PCGF5: variants seen among roughly 807,000 people sequenced by gnomAD.
The protein encoded by PCGF5 is polycomb group ring finger 5, also known as polycomb group RING finger protein 5.
PCGF5 carries 9 observed loss-of-function variants against 44.3 expected under a neutral mutation model. The ratio of observed to expected loss-of-function variants is 0.20; its 90% CI spans 0.12 to 0.35. The LOEUF (loss-of-function observed/expected upper bound fraction) is 0.35, where lower values mean the gene tolerates loss of function less well. PCGF5 is among the 10% of genes least tolerant of loss of function. PCGF5 has a pLI of 1.00. For synonymous variants in PCGF5, 95 were observed against 102.5 expected, an observed-to-expected ratio of 0.93 and a Z score of 0.44; for missense variants, 146 against 305.3, an observed-to-expected ratio of 0.48 and a Z score of 3.89.
intron 2 of PCGF5, among the ~76,000 whole-genome samples, chr10:91,223,813 T>C (rs1844744259): frequency 6.6e-6 from 1 of 152,130 alleles, no homozygotes; most frequent in Admixed American, 6.5e-5. Flanking sequence ...AGAGAGAAGG[T>C]ATAGAGATTT....
At chr10:91,208,949 G>A (rs111829921) in intron 1 of PCGF5, among the ~76,000 whole-genome samples, 8 of 152,296 alleles carry the variant, frequency 5.3e-5, no homozygotes, top group African/African-American at 1.9e-4. Context: ...TTGCTCTACA[G>A]GAGTGTGAGC....
chr10:91,261,359 C>T lies in PCGF5; in HGVS notation c.508C>T (p.Arg170Cys). 3 of 1,506,652 alleles carry T rather than the reference C, an allele frequency of 2.0e-6. No individual in the cohort carries two copies. The highest frequency in any genetic ancestry group is 1.4e-5 in the African/African-American group (1 of 73,054). The allele number at this position is 1,506,652 out of a possible 1,614,324, so 93.3% of individuals were successfully genotyped here. The change falls in exon 7 of 10, where the codon CGT becomes TGT. Residue 170 changes from arginine to cysteine, a missense_variant. Arg to Cys is a radical substitution (Grantham distance 180, BLOSUM62 -3). Coordinates refer to ENST00000336126, the MANE Select transcript of PCGF5 (RefSeq NM_032373.5). ...LMKKFIRCST[R>C]VTVGTIKKFL... ...GAAGAAATTCATTCGATGTTCTACA[C>T]GTGTAACTGTGGGAACTATTAAAAA...
chr10:91,185,208 T>C (rs1564627814), intron 1 of PCGF5, among the ~76,000 whole-genome samples: 1 of 151,918 alleles, frequency 6.6e-6, no homozygotes, highest in Non-Finnish European at 1.5e-5. Flanking sequence ...AAAACACCAG[T>C]GGGGTGGCTG....
chr10:91,214,817 A>C (rs1564635475), intron 1 of PCGF5, among the ~76,000 whole-genome samples: 1 of 152,254 alleles, frequency 6.6e-6, no homozygotes, highest in Non-Finnish European at 1.5e-5. Flanking sequence ...AAGGTTGATT[A>C]AACTAAATTG....
chr10:91,264,312 A>C, intron 7 of PCGF5, 119 bp from the exon 8 acceptor site: 1 of 764,818 alleles, frequency 1.3e-6, no homozygotes, highest in East Asian at 2.7e-5. Flanking sequence ...CTCCTATTTA[A>C]AATAATGGAT....
chr10:91,207,559 G>T (rs757014121), intron 1 of PCGF5, among the ~76,000 whole-genome samples: 1 of 152,102 alleles, frequency 6.6e-6, no homozygotes, highest in Non-Finnish European at 1.5e-5. Flanking sequence ...AGGAAATATG[G>T]CATTGTTATA....
At chr10:91,188,503 G>A (rs1843968302) in intron 1 of PCGF5, among the ~76,000 whole-genome samples, 1 of 152,108 alleles carries the variant, frequency 6.6e-6, no homozygotes, top group Admixed American at 6.5e-5. Context: ...AAAACCAGTG[G>A]ATTAAAATTA....
At chr10:91,186,382 A>G (rs1289236423) in intron 1 of PCGF5, among the ~76,000 whole-genome samples, 1 of 152,178 alleles carries the variant, frequency 6.6e-6, no homozygotes, top group Non-Finnish European at 1.5e-5. Flanking sequence ...GCAAGAGATG[A>G]AGGAATATAA....
At position 91,196,470 on chromosome 10, in the gene PCGF5, C is replaced by T. The variant is rs186816288; in HGVS notation, c.-183-26219C>T. Among the ~76,000 whole-genome samples the T allele has an allele frequency of 2.6e-3, 391 of 152,332 alleles. 2 individuals carry two copies. The highest frequency in any genetic ancestry group is 8.5e-3 in the African/African-American group (355 of 41,564). The stretch of plus-strand genomic sequence containing the variant: ...GTCCCTTCTCACCCCAGGGCTTTTG[C>T]ACTTGCTAAGCCTTCTTGTTCCTTT... On this transcript the variant is annotated intron_variant, in intron 1 of 9. Coordinates refer to the PCGF5 transcript ENST00000614189.
intron 5 of PCGF5, among the ~76,000 whole-genome samples, chr10:91,250,342 A>G (rs1450956737): frequency 6.6e-6 from 1 of 151,938 alleles, no homozygotes; most frequent in African/African-American, 2.4e-5. Flanking sequence ...TCTACAAGTA[A>G]TGTTTAGCTG....
chr10:91,236,669 TA>T (rs1845172995), intron 2 of PCGF5, among the ~76,000 whole-genome samples: 1 of 152,226 alleles, frequency 6.6e-6, no homozygotes, highest in African/African-American at 2.4e-5. Context: ...GACTTCAAAT[TA>T]TAAACTAAGA....
At chr10:91,161,073 A>T (rs904278554), upstream of PCGF5, among the ~76,000 whole-genome samples, 1 of 152,166 alleles carries the variant, frequency 6.6e-6, no homozygotes, top group Non-Finnish European at 1.5e-5. Context: ...CTCATCCCCT[A>T]CTTTGGAAGA....
intron 1 of PCGF5, among the ~76,000 whole-genome samples, chr10:91,198,619 T>C (rs1844190235): frequency 6.6e-6 from 1 of 152,236 alleles, no homozygotes; most frequent in Admixed American, 6.5e-5. Context: ...CAAGCTTGTC[T>C]CTGTCCTTCG....
At chr10:91,235,916 C>T (rs1195453925) in intron 2 of PCGF5, among the ~76,000 whole-genome samples, 2 of 151,960 alleles carry the variant, frequency 1.3e-5, no homozygotes, top group African/African-American at 4.8e-5. Flanking sequence ...ATGTCTTTAT[C>T]AGCAGCGTGA....
intron 1 of PCGF5, among the ~76,000 whole-genome samples, chr10:91,168,797 G>A (rs12259686): frequency 0.015 from 2,274 of 151,996 alleles, 60 homozygotes; most frequent in African/African-American, 0.053. Context: ...GTGTGGTGGT[G>A]TGTGTCTGTA....
chr10:91,176,725 C>T (rs1016932162), intron 1 of PCGF5, among the ~76,000 whole-genome samples: 7 of 152,166 alleles, frequency 4.6e-5, no homozygotes, highest in Admixed American at 1.3e-4. Context: ...GCATTCGTCA[C>T]GTAGTTCTTG....
At chr10:91,241,591 A>G (rs1845328488) in intron 3 of PCGF5, among the ~76,000 whole-genome samples, 1 of 152,108 alleles carries the variant, frequency 6.6e-6, no homozygotes, top group African/African-American at 2.4e-5. Flanking sequence ...GTGATCTTTA[A>G]GAAACTACTC....
intron 8 of PCGF5, 112 bp downstream of exon 8, chr10:91,264,632 A>G: frequency 1.2e-6 from 1 of 811,758 alleles, no homozygotes; most frequent in South Asian, 1.9e-5. Flanking sequence ...GAAGGAGAAG[A>G]AACTGGTTTT....
At chr10:91,164,998 A>G (rs757252738) in intron 1 of PCGF5, among the ~76,000 whole-genome samples, 4 of 152,234 alleles carry the variant, frequency 2.6e-5, no homozygotes, top group African/African-American at 7.2e-5. Context: ...CCTGGCATAT[A>G]TGAAACACTT....
Sources: gnomAD v4.1 joint callset for allele counts (sites outside exome capture counted in the v4.1 genomes callset) on GRCh38, gnomAD v4.1.1 for gene constraint, MANE v1.5 for transcripts, NCBI Gene and HGNC (gene_info 2026-07-23, HGNC 2026-07-21) for gene names.